The following NUP214 variants were observed in gnomAD, a reference collection of about 807,000 sequenced individuals.
NUP214 encodes the protein nuclear pore complex protein Nup214.
Under a neutral mutation model 196.2 loss-of-function variants are expected in NUP214, and 79 were observed. That is an observed-to-expected ratio of 0.40 (90% CI 0.34 to 0.49). The LOEUF (loss-of-function observed/expected upper bound fraction) is 0.49. NUP214 is among the 20% of genes least tolerant of loss of function. The pLI is 0.58. For synonymous variants in NUP214, 1,020 were observed against 990.5 expected (o/e 1.03, Z -0.56); for missense variants, 2,468 against 2,539.0 (o/e 0.97, Z 0.60).
chr9:131,165,340 G>T (rs1481177101), intron 21 of NUP214: 2 of 152,100 alleles, frequency 1.3e-5, no homozygotes, highest in Non-Finnish European at 2.9e-5. Context: ...AGTTATTTTG[G>T]TTTAGTTCCA....
intron 12 of NUP214, 76 bp downstream of exon 12, chr9:131,144,830 A>G: frequency 8.6e-7 from 1 of 1,158,216 alleles, no homozygotes; most frequent in Non-Finnish European, 1.2e-6. Flanking sequence ...AAGTAGAGTC[A>G]CTCTGAGAGG....
chr9:131,130,674 A>T, intron 4 of NUP214, 92 bp from the exon 5 acceptor site: 1 of 1,159,132 alleles, frequency 8.6e-7, no homozygotes, highest in African/African-American at 1.5e-5. Flanking sequence ...GGACTGACAG[A>T]GGAATGAGAA....
At chr9:131,172,271 T>G (rs1325370438) in intron 21 of NUP214, among the ~76,000 whole-genome samples, 3 of 152,100 alleles carry the variant, frequency 2.0e-5, no homozygotes, top group Non-Finnish European at 4.4e-5. Context: ...TGGTATCTCA[T>G]TGTGGTTTTG....
intron 21 of NUP214, among the ~76,000 whole-genome samples, chr9:131,171,146 C>T (rs1832945818): frequency 6.6e-6 from 1 of 152,204 alleles, no homozygotes; most frequent in Admixed American, 6.5e-5. Context: ...ATGGTGGAGG[C>T]AGCACCATTG....
intron 17 of NUP214, chr9:131,159,180 T>C: frequency 1.8e-6 from 1 of 564,440 alleles, no homozygotes; most frequent in East Asian, 3.0e-5. Flanking sequence ...TCCCAGGGTG[T>C]TGGGATTATA....
chr9:131,227,936 T>C (rs1212735673), intron 32 of NUP214, among the ~76,000 whole-genome samples: 1 of 126,846 alleles, frequency 7.9e-6, no homozygotes, highest in African/African-American at 3.1e-5. Flanking sequence ...TGGTTTGGTT[T>C]GAGGGCTTTT....
At chr9:131,162,226 A>G (rs1832661631) in intron 18 of NUP214, among the ~76,000 whole-genome samples, 2 of 152,244 alleles carry the variant, frequency 1.3e-5, no homozygotes, top group Admixed American at 6.5e-5. Context: ...TTGTATATGC[A>G]GTCCATCATT....
chr9:131,198,036 A>T lies in NUP214; in HGVS notation c.4542A>T (p.Ala1514=). The T allele has an allele frequency of 6.2e-7, 1 of 1,614,246 alleles. No homozygotes were observed. Among genetic ancestry groups the T allele is most frequent in the Non-Finnish European group, 8.5e-7 (1 of 1,180,038 alleles). ...KPGDSEVSAS[A]ASLLEEQQSA... ...GTGACAGTGAGGTCTCAGCATCAGC[A>T]GCCTCACTTCTAGAGGAGCAACAGT... The change falls in exon 29 of 36, where the codon GCA becomes GCT. Residue 1514 remains alanine (A), a synonymous_variant. Coordinates refer to ENST00000359428, the MANE Select transcript of NUP214 (RefSeq NM_005085.4).
intron 31 of NUP214, among the ~76,000 whole-genome samples, chr9:131,220,444 A>C (rs1466103646): frequency 6.6e-6 from 1 of 152,238 alleles, no homozygotes; most frequent in Non-Finnish European, 1.5e-5. Context: ...GAGAGACTGT[A>C]AATGAGAGTG....
Position 131,163,133 on chromosome 9 carries a change from A to G in NUP214, c.2683A>G (p.Ser895Gly). 6.2e-7 allele frequency: 1 copy of G among 1,614,126 alleles called. No individual in the cohort carries two copies. ...LRLYKQTSLW[S>G]LSSAVPSQSS... is the part of the protein sequence containing the mutation. ...CCTTTACAAACAGACTTCCCTGTGG[A>G]GCCTGTCCTCGGCTGTTCCTTCCCA... Residue 895 changes from serine (S) to glycine (G), a missense_variant, in exon 19 of 36, where the codon AGC becomes GGC. Ser to Gly is a moderately conservative substitution (Grantham distance 56). This residue lies in a region of NUP214 where 1,801 missense variants were observed against 1,779.4 expected (regional missense o/e 1.01). Coordinates refer to ENST00000359428, the MANE Select transcript of NUP214 (RefSeq NM_005085.4).
At chr9:131,199,387 A>G (rs185369973) in intron 29 of NUP214, among the ~76,000 whole-genome samples, 34 of 152,326 alleles carry the variant, frequency 2.2e-4, no homozygotes, top group East Asian at 1.5e-3. Flanking sequence ...AAAGCTGTCA[A>G]GCCTCAAGGA....
intron 3 of NUP214, among the ~76,000 whole-genome samples, chr9:131,128,989 G>A (rs760447212): frequency 1.1e-4 from 16 of 152,158 alleles, no homozygotes; most frequent in Non-Finnish European, 1.9e-4. Flanking sequence ...AAGAAGCAGA[G>A]CCAAGATTTT....
At chr9:131,231,413 C>G (rs531098314) in intron 34 of NUP214, among the ~76,000 whole-genome samples, 26 of 152,004 alleles carry the variant, frequency 1.7e-4, no homozygotes, top group Admixed American at 1.4e-3. Context: ...GGATGGTCTC[C>G]ATCTCCTGAC....
At chr9:131,189,463 T>C (rs1209700163) in intron 26 of NUP214, among the ~76,000 whole-genome samples, 2 of 152,228 alleles carry the variant, frequency 1.3e-5, no homozygotes, top group Non-Finnish European at 2.9e-5. Flanking sequence ...TCTTCCTTGC[T>C]GGATGATCAC....
chr9:131,138,762 A>T (rs1831815581), intron 9 of NUP214, among the ~76,000 whole-genome samples: 1 of 152,220 alleles, frequency 6.6e-6, no homozygotes, highest in Admixed American at 6.5e-5. Flanking sequence ...AAGAACTGGG[A>T]AGAAGAACTA....
intron 21 of NUP214, among the ~76,000 whole-genome samples, chr9:131,172,625 G>A (rs1484664917): frequency 6.6e-6 from 1 of 152,204 alleles, no homozygotes; most frequent in Non-Finnish European, 1.5e-5. Flanking sequence ...TGGCTGTAGA[G>A]GACATGAAAT....
chr9:131,210,681 A>G (rs1445213019), intron 30 of NUP214, among the ~76,000 whole-genome samples: 2 of 152,170 alleles, frequency 1.3e-5, no homozygotes, highest in Non-Finnish European at 2.9e-5. Context: ...TAAATCTAGT[A>G]CGTGAAATAA....
intron 18 of NUP214, 46 bp downstream of exon 18, chr9:131,159,532 A>G: frequency 1.4e-6 from 2 of 1,430,806 alleles, no homozygotes; most frequent in Non-Finnish European, 2.0e-6. Context: ...AGATATTGCT[A>G]TTGCCATTTT....
chr9:131,203,818 G>A (rs1180048459), intron 30 of NUP214, among the ~76,000 whole-genome samples: 1 of 152,190 alleles, frequency 6.6e-6, no homozygotes, highest in Non-Finnish European at 1.5e-5. Context: ...GAGCCCAGAA[G>A]CCAGTTGTGC....
Sources: allele counts gnomAD v4.1 joint callset (sites outside exome capture counted in the v4.1 genomes callset), GRCh38; gene constraint gnomAD v4.1.1; regional missense constraint gnomAD v4.1.1; transcripts MANE v1.5; gene names NCBI Gene and HGNC (gene_info 2026-07-23, HGNC 2026-07-21).